The following PTCHD4 variants were observed in gnomAD, a reference collection of about 807,000 sequenced individuals.
PTCHD4 encodes the protein patched domain containing 4, also known as patched domain-containing protein 4.
In PTCHD4, 33 loss-of-function variants were observed where a neutral mutation model predicts 58.1. The observed-to-expected ratio is 0.57, with a 90% CI of 0.43 to 0.76. PTCHD4 has a LOEUF of 0.76. Ranked by LOEUF, PTCHD4 falls within the 30% of genes least tolerant of loss-of-function variation. PTCHD4 has a pLI of 0.00. For synonymous variants in PTCHD4, 478 were observed against 409.6 expected (o/e 1.17, Z -2.02); for missense variants, 1,058 against 1,027.1 (o/e 1.03, Z -0.41).
intron 3 of PTCHD4, among the ~76,000 whole-genome samples, chr6:48,049,737 A>G (rs950863578): frequency 1.3e-5 from 2 of 151,976 alleles, no homozygotes; most frequent in East Asian, 1.9e-4. Flanking sequence ...TGTGAACTAC[A>G]TCGTAAATTC....
In PTCHD4 at chr6:48,082,243, G is replaced by A. The variant is rs12196770; in HGVS notation, c.-969-12317C>T. 2.6e-3 allele frequency among the ~76,000 whole-genome samples: 395 copies of A among 152,254 alleles called. 2 individuals are homozygous for A. Among genetic ancestry groups the A allele is most frequent in the Non-Finnish European group, 4.7e-3 (322 of 68,000 alleles). On this transcript the variant is annotated intron_variant, in intron 1 of 4. Transcript: ENST00000339488. ...AATGAAGAAGGAAGACATCAGAACA[G>A]GGGAGTCAAAAGAAAAAATGTGGCT...
Position 48,008,917 on chromosome 6 carries a change from C to A in PTCHD4, c.615G>T (p.Glu205Asp), listed in dbSNP as rs1762568440. ...AAGAGTAGAGCTGGAGTTCTTGATG[C>A]TCCTCCTGGAGCTTCCTTATAAGCT... ...FCKLIRKLQE[E>D]HQELQLYSLA... The change falls in exon 4 of 5, where the codon GAG (glutamate) becomes GAT (aspartate). Residue 205 changes from glutamate to aspartate, a missense_variant. Transcript: ENST00000339488. 6.2e-7 allele frequency: 1 copy of A among 1,613,862 alleles called. No homozygotes were observed. Among genetic ancestry groups the A allele is most frequent in the Non-Finnish European group, 8.5e-7 (1 of 1,179,898 alleles).
At chr6:47,880,150 G>GA (rs762774125) in intron 4 of PTCHD4, among the ~76,000 whole-genome samples, 11 of 152,142 alleles carry the variant, frequency 7.2e-5, no homozygotes, top group Admixed American at 3.9e-4. Context: ...GATATTCTGG[G>GA]AAAAATGAAA....
At chr6:48,083,025 G>GA (rs111274134) in intron 1 of PTCHD4, among the ~76,000 whole-genome samples, 1 of 150,114 alleles carries the variant, frequency 6.7e-6, no homozygotes, top group Non-Finnish European at 1.5e-5. Flanking sequence ...TTACCCAGGG[G>GA]AAAAAAAAGT....
chr6:48,097,649 T>C (rs534954323), intron 1 of PTCHD4, among the ~76,000 whole-genome samples: 2 of 152,308 alleles, frequency 1.3e-5, no homozygotes, highest in East Asian at 1.9e-4. Flanking sequence ...ATGTCTAGCA[T>C]CTTAGAAATA....
At chr6:47,951,484 A>AGTGCCTGTTCTGTGC (rs1444290414) in intron 4 of PTCHD4, among the ~76,000 whole-genome samples, 1 of 152,214 alleles carries the variant, frequency 6.6e-6, no homozygotes, top group African/African-American at 2.4e-5. Flanking sequence ...TACAATAAAA[A>AGTGCCTGTTCTGTGC]TATATCACTG....
chr6:48,059,372 G>C (rs536868769), intron 3 of PTCHD4, among the ~76,000 whole-genome samples: 1 of 152,280 alleles, frequency 6.6e-6, no homozygotes, highest in Non-Finnish European at 1.5e-5. Flanking sequence ...AGGGCGGGGT[G>C]GTTCACGCCT....
chr6:48,054,381 TC>T (rs1442734496), intron 3 of PTCHD4, among the ~76,000 whole-genome samples: 1 of 152,150 alleles, frequency 6.6e-6, no homozygotes, highest in Non-Finnish European at 1.5e-5. Flanking sequence ...AAACAACTGC[TC>T]CCCTGGAACT....
chr6:47,976,695 T>TAAA (rs1554164384), intron 4 of PTCHD4, among the ~76,000 whole-genome samples: 1 of 148,280 alleles, frequency 6.7e-6, no homozygotes, highest in African/African-American at 2.5e-5. Flanking sequence ...AATAAATAAA[T>TAAA]AAAAATATAA....
chr6:47,989,101 G>A (rs1269169140), intron 4 of PTCHD4, among the ~76,000 whole-genome samples: 2 of 152,204 alleles, frequency 1.3e-5, no homozygotes, highest in Non-Finnish European at 2.9e-5. Flanking sequence ...TGGAGCAAAG[G>A]TGACTCTTGT....
intron 3 of PTCHD4, among the ~76,000 whole-genome samples, chr6:48,067,590 C>A (rs1419028014): frequency 6.6e-6 from 1 of 152,074 alleles, no homozygotes; most frequent in Non-Finnish European, 1.5e-5. Flanking sequence ...CACACGGCAC[C>A]AAAACACAAA....
chr6:47,959,392 A>G, intron 4 of PTCHD4, among the ~76,000 whole-genome samples: 1 of 152,200 alleles, frequency 6.6e-6, no homozygotes, highest in East Asian at 1.9e-4. Flanking sequence ...AAGCTGAGAC[A>G]AAAATGCTTA....
In PTCHD4 at chr6:48,047,290, C is replaced by T. The variant is rs185560432; in HGVS notation, c.417+20940G>A. On this transcript the variant is annotated intron_variant, in intron 3 of 4. Coordinates refer to ENST00000339488, the MANE Select transcript of PTCHD4 (RefSeq NM_001384253.1). ...TATTTATATACCCCAAGAAAATCCC[C>T]CTCTAATTATCACTTAGAAACTTGC... 1.4e-4 allele frequency among the ~76,000 whole-genome samples: 21 copies of T among 151,726 alleles called. No individual in the cohort carries two copies. In the East Asian group the frequency reaches 3.9e-3, roughly 28 times the overall value.
intron 1 of PTCHD4, among the ~76,000 whole-genome samples, chr6:48,105,400 A>G (rs1341145456): frequency 6.6e-6 from 1 of 152,228 alleles, no homozygotes; most frequent in African/African-American, 2.4e-5. Flanking sequence ...TTTGAAACCA[A>G]TGAGAACAAA....
In PTCHD4 at chr6:47,873,357, ATC is replaced by A. The variant is rs1232847832; in HGVS notation, c.*4944_*4945del. ...ATCTTGATTTCTGAGATGTGGGCTCATCTCTCAATATCCTTCCAGTGTCATTT... is the reference window on the plus strand; with the variant it reads ...ATCTTGATTTCTGAGATGTGGGCTCATCTCAATATCCTTCCAGTGTCATTT... On this transcript the variant is annotated 3_prime_UTR_variant, in exon 5 of 5. Transcript: ENST00000339488. Among the ~76,000 whole-genome samples the A allele has an allele frequency of 6.6e-6, 1 of 151,682 alleles. No individual in the cohort carries two copies. Among genetic ancestry groups the A allele is most frequent in the Non-Finnish European group, 1.5e-5 (1 of 67,758 alleles).
intron 4 of PTCHD4, among the ~76,000 whole-genome samples, chr6:48,004,363 G>A (rs1293003115): frequency 6.6e-6 from 1 of 152,076 alleles, no homozygotes; most frequent in Non-Finnish European, 1.5e-5. Context: ...AAAAATAATA[G>A]TGATCCGAGG....
chr6:48,073,398 T>G (rs773113062), intron 1 of PTCHD4, among the ~76,000 whole-genome samples: 5 of 152,214 alleles, frequency 3.3e-5, no homozygotes, highest in African/African-American at 4.8e-5. Context: ...ACCTAATTAT[T>G]TGGTCCTGTT....
chr6:48,017,418 G>C (rs886167101), intron 3 of PTCHD4, among the ~76,000 whole-genome samples: 1 of 152,078 alleles, frequency 6.6e-6, no homozygotes. Context: ...AAAAGGCCGT[G>C]ATGTAGTTCA....
intron 4 of PTCHD4, among the ~76,000 whole-genome samples, chr6:47,946,026 A>C (rs774218298): frequency 1.3e-5 from 2 of 151,960 alleles, no homozygotes; most frequent in Non-Finnish European, 2.9e-5. Flanking sequence ...AACAAATGAA[A>C]TTTTTCTTAT....
Sources: gnomAD v4.1 joint callset for allele counts (sites outside exome capture counted in the v4.1 genomes callset) on GRCh38, gnomAD v4.1.1 for gene constraint, MANE v1.5 for transcripts, NCBI Gene and HGNC (gene_info 2026-07-23, HGNC 2026-07-21) for gene names.